Variants in GABRR3 observed in about 807,000 individuals in gnomAD.
GABRR3 encodes the protein gamma-aminobutyric acid receptor subunit rho-3.
A neutral mutation model predicts 43.2 loss-of-function variants in GABRR3; 29 were observed. The observed-to-expected ratio is 0.67, with a 90% confidence interval of 0.50 to 0.92. The LOEUF is 0.92. Ranked by LOEUF, GABRR3 falls within the 40% of genes least tolerant of loss-of-function variation. The pLI, the probability that GABRR3 is intolerant of heterozygous loss-of-function variation, is 0.00. For synonymous variants in GABRR3, 206 were observed against 195.9 expected (o/e 1.05, Z -0.43); for missense variants, 576 against 572.3 (o/e 1.01, Z -0.07).
At chr3:98,001,804 T>G (rs375460959) in intron 7 of GABRR3, 37 bp from the exon 8 acceptor site, 116 of 1,610,760 alleles carry the variant, frequency 7.2e-5, no homozygotes, top group Non-Finnish European at 9.8e-5. Flanking sequence ...TAGAGCAAGC[T>G]TCCCCTTAGA....
At chr3:97,992,997 G>A in exon 9 of GABRR3, 6 of 1,613,032 alleles carry the variant, frequency 3.7e-6, no homozygotes, top group Non-Finnish European at 5.1e-6. Context: ...CTGGGGCATG[G>A]AGGCGCTCAC....
chr3:98,030,594 T>G (rs1707075367), intron 2 of GABRR3, among the ~76,000 whole-genome samples: 1 of 152,216 alleles, frequency 6.6e-6, no homozygotes, highest in Admixed American at 6.5e-5. Context: ...AATCCATTAT[T>G]GCTATTGTTA....
intron 3 of GABRR3, among the ~76,000 whole-genome samples, chr3:98,020,173 T>C (rs989854582): frequency 2.2e-4 from 33 of 152,112 alleles, no homozygotes; most frequent in Admixed American, 6.6e-5. Context: ...GAAAGTCACT[T>C]AGGCTAGAGT....
At chr3:97,992,143 C>CA (rs1423517518) in intron 9 of GABRR3, among the ~76,000 whole-genome samples, 1 of 152,092 alleles carries the variant, frequency 6.6e-6, no homozygotes, top group Non-Finnish European at 1.5e-5. Flanking sequence ...AACAATGTCA[C>CA]AAAAAACATG....
At chr3:97,988,112 C>T (rs900629413) in intron 9 of GABRR3, among the ~76,000 whole-genome samples, 12 of 151,956 alleles carry the variant, frequency 7.9e-5, no homozygotes, top group African/African-American at 2.9e-4. Flanking sequence ...AAGTGCCCTG[C>T]CATGCTGGGA....
At chr3:98,028,878 T>C (rs953188465) in intron 2 of GABRR3, among the ~76,000 whole-genome samples, 2 of 151,984 alleles carry the variant, frequency 1.3e-5, no homozygotes, top group African/African-American at 4.8e-5. Context: ...AAATGAAGGA[T>C]GAAATAAAAC....
intron 4 of GABRR3, among the ~76,000 whole-genome samples, chr3:98,017,380 C>CTACATTGGTAAATA (rs1168634956): frequency 1.3e-5 from 2 of 152,070 alleles, no homozygotes; most frequent in Non-Finnish European, 2.9e-5. Flanking sequence ...CCAGTTCTTG[C>CTACATTGGTAAATA]TACATTGGTA....
At chr3:97,990,536 CG>C (rs560107945) in intron 9 of GABRR3, among the ~76,000 whole-genome samples, 10 of 151,948 alleles carry the variant, frequency 6.6e-5, no homozygotes, top group Admixed American at 3.9e-4. Flanking sequence ...TTAGTAGACA[CG>C]GGGTTTCATA....
chr3:98,013,244 C>T (rs530425727), intron 4 of GABRR3, among the ~76,000 whole-genome samples: 2 of 152,282 alleles, frequency 1.3e-5, no homozygotes, highest in African/African-American at 4.8e-5. Flanking sequence ...GATTCTGATT[C>T]AGTATGGCTC....
At chr3:98,002,572 C>T (rs546114414) in intron 7 of GABRR3, among the ~76,000 whole-genome samples, 8 of 152,186 alleles carry the variant, frequency 5.3e-5, no homozygotes, top group South Asian at 4.1e-4. Flanking sequence ...ATACCTTATC[C>T]TTGTTTTTCT....
chr3:98,000,378 C>T (rs832106), intron 8 of GABRR3: 149,658 of 152,300 alleles, frequency 0.98, 73,590 homozygotes, highest in Middle Eastern at 1. Flanking sequence ...TGAGTGCTTT[C>T]CTCATTGTGT....
chr3:98,011,998 C>T (rs970554746), intron 5 of GABRR3, among the ~76,000 whole-genome samples: 2 of 152,128 alleles, frequency 1.3e-5, no homozygotes, highest in African/African-American at 4.8e-5. Context: ...ATCCAAGGTT[C>T]CAAAACTGCT....
intron 2 of GABRR3, among the ~76,000 whole-genome samples, chr3:98,028,408 C>T (rs560195223): frequency 1.3e-5 from 2 of 152,328 alleles, no homozygotes; most frequent in Non-Finnish European, 2.9e-5. Context: ...AATTTATCTT[C>T]AACAATCAGT....
At chr3:98,025,466 A>T in intron 3 of GABRR3, 101 bp downstream of exon 3, 1 of 685,620 alleles carries the variant, frequency 1.5e-6, no homozygotes, top group Non-Finnish European at 2.4e-6. Context: ...TTTGTTTTAA[A>T]CTGATGGACT....
intron 2 of GABRR3, among the ~76,000 whole-genome samples, chr3:98,029,434 A>G (rs778901996): frequency 6.6e-6 from 1 of 152,180 alleles, no homozygotes; most frequent in Non-Finnish European, 1.5e-5. Flanking sequence ...TTTGAGGAGG[A>G]CATAGTAGTC....
At chr3:98,001,281 A>G (rs1353248992) in intron 8 of GABRR3, 2 of 245,378 alleles carry the variant, frequency 8.2e-6, no homozygotes, top group South Asian at 8.5e-5. Context: ...ATGGACTTGT[A>G]TAAAGCATGG....
At chr3:98,005,876 A>G (rs1041567163) in intron 7 of GABRR3, among the ~76,000 whole-genome samples, 1 of 152,172 alleles carries the variant, frequency 6.6e-6, no homozygotes, top group African/African-American at 2.4e-5. Flanking sequence ...ATTACATTAT[A>G]TTAGCATTAA....
At chr3:98,030,432 T>A (rs976109979) in intron 2 of GABRR3, among the ~76,000 whole-genome samples, 1 of 152,138 alleles carries the variant, frequency 6.6e-6, no homozygotes, top group Non-Finnish European at 1.5e-5. Flanking sequence ...TATGAAGCAA[T>A]GTGAGAAATG....
intron 3 of GABRR3, among the ~76,000 whole-genome samples, chr3:98,023,317 C>T (rs991665883): frequency 2.0e-5 from 3 of 152,166 alleles, no homozygotes; most frequent in African/African-American, 7.2e-5. Context: ...AGAAATCTAA[C>T]CTGACATGAA....
Sources: gnomAD v4.1 joint callset for allele counts (sites outside exome capture counted in the v4.1 genomes callset) on GRCh38, gnomAD v4.1.1 for gene constraint, MANE v1.5 for transcripts, NCBI Gene and HGNC (gene_info 2026-07-23, HGNC 2026-07-21) for gene names.